The following LURAP1L variants were observed in gnomAD, a reference collection of about 807,000 sequenced individuals.
LURAP1L encodes the protein leucine rich adaptor protein 1-like.
In LURAP1L, 12 loss-of-function variants were observed where a neutral mutation model predicts 13.8. The observed-to-expected ratio is 0.87, with a 90% CI of 0.56 to 1.41. The LOEUF is 1.41. Ranked by LOEUF, LURAP1L falls within the 40% of genes most tolerant of loss-of-function variation. The pLI, the probability that LURAP1L is intolerant of heterozygous loss-of-function variation, is 0.00. For missense variants in LURAP1L, 375 were observed against 292.9 expected, an observed-to-expected ratio of 1.28 and a Z score of -2.04; for synonymous variants, 139 against 119.2, an observed-to-expected ratio of 1.17 and a Z score of -1.08.
chr9:12,801,424 C>T (rs1819584229), intron 1 of LURAP1L, among the ~76,000 whole-genome samples: 1 of 151,920 alleles, frequency 6.6e-6, no homozygotes, highest in South Asian at 2.1e-4. Context: ...TATTATGGAG[C>T]TCCAGGCTAT....
At chr9:12,806,798 G>A (rs372196003) in intron 1 of LURAP1L, among the ~76,000 whole-genome samples, 149 of 151,586 alleles carry the variant, frequency 9.8e-4, no homozygotes, top group African/African-American at 3.5e-3. Context: ...CTTCATTTGA[G>A]GTGACAGTGT....
intron 1 of LURAP1L, among the ~76,000 whole-genome samples, chr9:12,818,631 C>A (rs1447697627): frequency 1.3e-5 from 2 of 152,124 alleles, no homozygotes; most frequent in Non-Finnish European, 2.9e-5. Flanking sequence ...GCAGAGGAGG[C>A]TGGAGCCCTC....
rs114068526 is a variant in LURAP1L, at chr9:12,797,059, T to C, written c.312+21032T>C. Reference sequence around the variant, plus strand: ...TTTCTTGTCACTATGAAAGTCAACATGGGTTAAAAATTTCTGCATGGGATT... The same window carrying C: ...TTTCTTGTCACTATGAAAGTCAACACGGGTTAAAAATTTCTGCATGGGATT... On this transcript the variant is annotated intron_variant, in intron 1 of 1. Coordinates refer to ENST00000319264, the MANE Select transcript of LURAP1L (RefSeq NM_203403.2). Among the ~76,000 whole-genome samples, 580 of 152,084 alleles carry C rather than the reference T, an allele frequency of 3.8e-3. 4 individuals carry two copies. Among genetic ancestry groups the C allele is most frequent in the African/African-American group, 0.013 (548 of 41,524 alleles).
intron 1 of LURAP1L, among the ~76,000 whole-genome samples, chr9:12,808,522 C>CT (rs975222541): frequency 3.2e-4 from 48 of 150,936 alleles, no homozygotes; most frequent in African/African-American, 7.3e-4. Context: ...GGTTAGTAGT[C>CT]TTTTTTTTTA....
chr9:12,786,829 G>A (rs983545993), intron 1 of LURAP1L, among the ~76,000 whole-genome samples: 14 of 151,588 alleles, frequency 9.2e-5, no homozygotes, highest in Non-Finnish European at 1.8e-4. Flanking sequence ...CTCTTTGCTG[G>A]CCCACACCAT....
intron 1 of LURAP1L, among the ~76,000 whole-genome samples, chr9:12,820,184 C>T (rs971200383): frequency 1.3e-5 from 2 of 152,076 alleles, no homozygotes; most frequent in African/African-American, 4.8e-5. Context: ...AGATAGATAT[C>T]CCTGAAGTAA....
At chr9:12,776,308 G>C (rs979947010) in intron 1 of LURAP1L, among the ~76,000 whole-genome samples, 2 of 152,166 alleles carry the variant, frequency 1.3e-5, no homozygotes, top group Non-Finnish European at 2.9e-5. Flanking sequence ...ACTGCGCCGG[G>C]CTCTATTTAG....
At chr9:12,787,197 G>T (rs1287016014) in intron 1 of LURAP1L, among the ~76,000 whole-genome samples, 2 of 151,968 alleles carry the variant, frequency 1.3e-5, no homozygotes, top group Non-Finnish European at 1.5e-5. Flanking sequence ...GTACCTTCCT[G>T]GAAATGTTCT....
intron 1 of LURAP1L, among the ~76,000 whole-genome samples, chr9:12,778,308 T>C (rs1563884784): frequency 1.3e-5 from 2 of 152,148 alleles, no homozygotes; most frequent in Non-Finnish European, 2.9e-5. Flanking sequence ...GTGGCCCTCA[T>C]TCTAGTCATG....
At chr9:12,816,287 T>A (rs1328334295) in intron 1 of LURAP1L, among the ~76,000 whole-genome samples, 1 of 152,210 alleles carries the variant, frequency 6.6e-6, no homozygotes, top group African/African-American at 2.4e-5. Context: ...TCTTATTGGG[T>A]AAGATTAGTC....
rs182302611 is a variant in LURAP1L at position 12,795,787 on chromosome 9, C to T, written c.312+19760C>T. On this transcript the variant is annotated intron_variant, in intron 1 of 1. Transcript: ENST00000319264. ...TACAATTGTCTTCTTGGGTACCAAA[C>T]GGTCTCCATGTGTTTTTTATATCAT... Among the ~76,000 whole-genome samples the T allele has an allele frequency of 1.7e-3, 251 of 152,076 alleles. 1 individual carries two copies. Among genetic ancestry groups the T allele is most frequent in the African/African-American group, 5.6e-3 (233 of 41,506 alleles).
At chr9:12,789,097 A>AG (rs1484725231) in intron 1 of LURAP1L, among the ~76,000 whole-genome samples, 1 of 151,196 alleles carries the variant, frequency 6.6e-6, no homozygotes, top group Admixed American at 6.6e-5. Context: ...CCCCAAAAAA[A>AG]AAAGAAAAGA....
intron 1 of LURAP1L, among the ~76,000 whole-genome samples, chr9:12,787,013 A>C (rs1400544507): frequency 6.6e-6 from 1 of 152,158 alleles, no homozygotes; most frequent in African/African-American, 2.4e-5. Context: ...AATTCACAAA[A>C]AGATTTTGAC....
Position 12,818,868 on chromosome 9 carries a change from G to C in LURAP1L, c.313-2518G>C, listed in dbSNP as rs138199263. On this transcript the variant is annotated intron_variant, in intron 1 of 1. Coordinates refer to ENST00000319264, the MANE Select transcript of LURAP1L (RefSeq NM_203403.2). ...TTGATATTCTGCCATGGCTTATAAG[G>C]GGCCAGCATGTTTTATCAGCTACAG... 4.6e-3 allele frequency among the ~76,000 whole-genome samples: 704 copies of C among 152,222 alleles called. 7 individuals carry two copies. The highest frequency in any genetic ancestry group is 0.015 in the African/African-American group (637 of 41,544).
rs543009883 is a variant in LURAP1L at position 12,804,037 on chromosome 9, TGAAAA to T, written c.313-17346_313-17342del. Among the ~76,000 whole-genome samples, 9 of 152,338 alleles carry T rather than the reference TGAAAA, an allele frequency of 5.9e-5. No individual in the cohort carries two copies. The South Asian group carries it at 1.9e-3, about 32-fold the overall frequency. On this transcript the variant is annotated intron_variant, in intron 1 of 1. Transcript: ENST00000319264. ...TCATAGAATTCATTGTGATTCACAC[TGAAAA>T]GACAAAGTTTATTTAATCATATTTG...
At chr9:12,793,724 T>A (rs1191260031) in intron 1 of LURAP1L, among the ~76,000 whole-genome samples, 3 of 152,086 alleles carry the variant, frequency 2.0e-5, no homozygotes, top group African/African-American at 7.2e-5. Flanking sequence ...CTTCAAATGG[T>A]ATCCCATCTA....
At chr9:12,780,001 G>A (rs2118458437) in intron 1 of LURAP1L, among the ~76,000 whole-genome samples, 1 of 152,228 alleles carries the variant, frequency 6.6e-6, no homozygotes, top group Non-Finnish European at 1.5e-5. Context: ...CACAAGAACT[G>A]CCATGAGCAG....
intron 1 of LURAP1L, among the ~76,000 whole-genome samples, chr9:12,782,176 G>C (rs1389585748): frequency 6.6e-6 from 1 of 152,196 alleles, no homozygotes; most frequent in East Asian, 1.9e-4. Flanking sequence ...CAGATGGGTA[G>C]TTTGCAAATA....
At chr9:12,776,804 T>A (rs1586872229) in intron 1 of LURAP1L, among the ~76,000 whole-genome samples, 1 of 151,982 alleles carries the variant, frequency 6.6e-6, no homozygotes, top group African/African-American at 2.4e-5. Context: ...CATAGGACAA[T>A]GAGATAAGTA....
Sources: gnomAD v4.1 joint callset for allele counts (sites outside exome capture counted in the v4.1 genomes callset) on GRCh38, gnomAD v4.1.1 for gene constraint, MANE v1.5 for transcripts, NCBI Gene and HGNC (gene_info 2026-07-23, HGNC 2026-07-21) for gene names.